The following DNAL1 variants were observed in gnomAD, a reference collection of about 807,000 sequenced individuals.
DNAL1 encodes dynein axonemal light chain 1.
In DNAL1, 17 loss-of-function variants were observed where a neutral mutation model predicts 29.4. The ratio of observed to expected loss-of-function variants is 0.58; its 90% CI spans 0.40 to 0.87. The LOEUF is 0.87. Among genes scored for constraint, DNAL1 ranks in the 40% least tolerant of loss-of-function variants. The pLI is 0.00. For missense variants in DNAL1, 188 were observed against 214.1 expected (o/e 0.88, Z 0.76); for synonymous variants, 78 against 76.3 (o/e 1.02, Z -0.12).
rs1448984006 is a variant in DNAL1, at chr14:73,671,547, T to G, written c.214T>G (p.Leu72Val). 2.0e-6 allele frequency: 3 copies of G among 1,487,472 alleles called. No homozygotes were observed. The East Asian group carries it at 7.4e-5, about 37-fold the overall frequency. The allele number at this position is 1,487,472 out of a possible 1,614,324, so 92.1% of individuals were successfully genotyped here. A position where few individuals can be genotyped will look rare whatever the true frequency, so the allele number is the denominator to read the frequency against. ...ATGTTTTCTTTTCACTACAGAAAACTTGAGGATATTATCTTTAGGAAGAAA... is the reference window on the plus strand; with the variant it reads ...ATGTTTTCTTTTCACTACAGAAAACGTGAGGATATTATCTTTAGGAAGAAA... Reference protein sequence around the residue: ...KIANLNGLKNLRILSLGRNNI... With the variant: ...KIANLNGLKNVRILSLGRNNI... Residue 72 changes from leucine to valine, a missense_variant, in exon 5 of 8, where the codon TTG (leucine) becomes GTG (valine). Transcript: ENST00000553645.
At chr14:73,682,873 T>A (rs76438971) in intron 5 of DNAL1, among the ~76,000 whole-genome samples, 1 of 112,866 alleles carries the variant, frequency 8.9e-6, no homozygotes, top group African/African-American at 2.9e-5. Flanking sequence ...ATAGTTATTT[T>A]TTTTTTTTTT....
chr14:73,645,904 G>A (rs1890965771), intron 1 of DNAL1, among the ~76,000 whole-genome samples: 1 of 152,216 alleles, frequency 6.6e-6, no homozygotes, highest in Non-Finnish European at 1.5e-5. Context: ...AGCAAAGTAT[G>A]TGATGTCCTA....
chr14:73,664,362 A>T (rs1294881238), intron 4 of DNAL1, among the ~76,000 whole-genome samples: 1 of 152,164 alleles, frequency 6.6e-6, no homozygotes, highest in Non-Finnish European at 1.5e-5. Context: ...ATATCATTTG[A>T]ATATCATTAT....
At chr14:73,659,230 C>G (rs1388123217) in intron 3 of DNAL1, among the ~76,000 whole-genome samples, 1 of 149,886 alleles carries the variant, frequency 6.7e-6, no homozygotes, top group Non-Finnish European at 1.5e-5. Context: ...GGCATGATCT[C>G]GGCTCACTGC....
chr14:73,645,716 C>G (rs1472295105), intron 1 of DNAL1, among the ~76,000 whole-genome samples: 3 of 152,182 alleles, frequency 2.0e-5, no homozygotes, highest in Non-Finnish European at 4.4e-5. Flanking sequence ...CTGAGAAATG[C>G]TGTTGCCTTA....
rs1361693768 is a variant in DNAL1 at position 73,703,128 on chromosome 14, A to C, written c.*7186A>C. The C allele has an allele frequency of 6.6e-6, 1 of 152,118 alleles. No homozygotes were observed. Among genetic ancestry groups the C allele is most frequent in the Non-Finnish European group, 1.5e-5 (1 of 68,026 alleles). 9.4% of individuals were successfully genotyped at this position (152,118 alleles called of 1,614,324 possible). On this transcript the variant is annotated 3_prime_UTR_variant, in exon 8 of 8. Coordinates refer to ENST00000553645, the MANE Select transcript of DNAL1 (RefSeq NM_031427.4). The stretch of plus-strand genomic sequence containing the variant: ...GAAAAACAAATAGAAGACAAATTTC[A>C]ATTTCTGAGTTTATACAAAGAAAGC...
intron 5 of DNAL1, among the ~76,000 whole-genome samples, chr14:73,685,531 C>T (rs536371784): frequency 6.7e-6 from 1 of 149,020 alleles, no homozygotes; most frequent in South Asian, 2.1e-4. Context: ...GCAATTTTGG[C>T]TCGTTCCAAC....
chr14:73,659,540 A>G (rs1358263972), intron 3 of DNAL1: 4 of 152,218 alleles, frequency 2.6e-5, no homozygotes, highest in African/African-American at 9.6e-5. Context: ...GAGAAGCTAA[A>G]TAACACAATA....
intron 4 of DNAL1, among the ~76,000 whole-genome samples, chr14:73,670,745 AT>A (rs553810317): frequency 1.3e-5 from 2 of 149,750 alleles, no homozygotes; most frequent in South Asian, 2.1e-4. Flanking sequence ...TTTTATTATT[AT>A]TTTTTTTTGA....
chr14:73,657,756 G>C (rs1451800189), intron 2 of DNAL1, among the ~76,000 whole-genome samples: 1 of 152,144 alleles, frequency 6.6e-6, no homozygotes, highest in Non-Finnish European at 1.5e-5. Flanking sequence ...ACCACACCAG[G>C]CTACTTTTTT....
intron 7 of DNAL1, among the ~76,000 whole-genome samples, chr14:73,693,758 T>C (rs116050314): frequency 0.012 from 1,805 of 152,192 alleles, 36 homozygotes; most frequent in African/African-American, 0.041. Flanking sequence ...GTGTTAGATA[T>C]TAGGATAGAA....
At chr14:73,688,441 T>C (rs189599115) in intron 6 of DNAL1, among the ~76,000 whole-genome samples, 1 of 151,548 alleles carries the variant, frequency 6.6e-6, no homozygotes, top group Non-Finnish European at 1.5e-5. Context: ...AAAACCCAAA[T>C]TTTTTTTTGT....
intron 1 of DNAL1, among the ~76,000 whole-genome samples, chr14:73,645,895 G>C (rs905247314): frequency 6.6e-6 from 1 of 152,206 alleles, no homozygotes; most frequent in African/African-American, 2.4e-5. Flanking sequence ...GAGCTATTGA[G>C]CAAAGTATGT....
At position 73,699,297 on chromosome 14, in the gene DNAL1, T is replaced by C. The variant is rs1892374007; in HGVS notation, c.*3355T>C. ...GGAAAGAAATGGTCACTGGTATTTT[T>C]TGTAATGCTCATTTTTTTTTTTTTT... On this transcript the variant is annotated 3_prime_UTR_variant, in exon 8 of 8. Coordinates refer to ENST00000553645, the MANE Select transcript of DNAL1 (RefSeq NM_031427.4). 6.6e-6 allele frequency: 1 copy of C among 151,706 alleles called. No individual in the cohort carries two copies. Among genetic ancestry groups the C allele is most frequent in the Non-Finnish European group, 1.5e-5 (1 of 68,040 alleles). The allele number at this position is 151,706 out of a possible 1,614,324, so 9.4% of individuals were successfully genotyped here. A position where few individuals can be genotyped will look rare whatever the true frequency, so the allele number is the denominator to read the frequency against.
Position 73,696,173 on chromosome 14 carries a change from G to T in DNAL1, c.*231G>T, listed in dbSNP as rs910559841. The stretch of plus-strand genomic sequence containing the variant: ...CTCTTTTTAGAAACCACAAATTTTC[G>T]ATTTTTGTCTTCAGTCTCAGTTACG... On this transcript the variant is annotated 3_prime_UTR_variant, in exon 8 of 8. Transcript: ENST00000553645. 9.7e-5 allele frequency: 41 copies of T among 424,812 alleles called. No individual in the cohort carries two copies. In the East Asian group the frequency reaches 1.5e-3, roughly 16 times the overall value. 26.3% of individuals were successfully genotyped at this position (424,812 alleles called of 1,614,324 possible). A position where few individuals can be genotyped will look rare whatever the true frequency, so the allele number is the denominator to read the frequency against.
chr14:73,666,978 A>G (rs1159649124), intron 4 of DNAL1, among the ~76,000 whole-genome samples: 1 of 143,854 alleles, frequency 7.0e-6, no homozygotes, highest in Non-Finnish European at 1.5e-5. Context: ...TTTTTCATTT[A>G]CTCCCTAGAT....
At chr14:73,660,700 A>G (rs776904247) in intron 3 of DNAL1, among the ~76,000 whole-genome samples, 1 of 152,212 alleles carries the variant, frequency 6.6e-6, no homozygotes, top group Non-Finnish European at 1.5e-5. Context: ...ATGAGAACAC[A>G]GTGTGTCACA....
rs534398429 is a variant in DNAL1, at chr14:73,698,912, T to G, written c.*2970T>G. 4.6e-5 allele frequency: 7 copies of G among 152,332 alleles called. No homozygotes were observed. The highest frequency in any genetic ancestry group is 7.3e-5 in the Non-Finnish European group (5 of 68,028). 9.4% of individuals were successfully genotyped at this position (152,332 alleles called of 1,614,324 possible). The stretch of plus-strand genomic sequence containing the variant: ...AGACAGGCCTTAAAAGGTTTTTGTG[T>G]TGTTCTCTGTTAATAAGAATTTGTT... On this transcript the variant is annotated 3_prime_UTR_variant, in exon 8 of 8. Coordinates refer to ENST00000553645, the MANE Select transcript of DNAL1 (RefSeq NM_031427.4).
At chr14:73,657,497 G>A (rs1239964881) in intron 2 of DNAL1, among the ~76,000 whole-genome samples, 1 of 152,176 alleles carries the variant, frequency 6.6e-6, no homozygotes, top group African/African-American at 2.4e-5. Context: ...TTACCATTGT[G>A]TTGAGTTCCT....
Sources: allele counts gnomAD v4.1 joint callset (sites outside exome capture counted in the v4.1 genomes callset), GRCh38; gene constraint gnomAD v4.1.1; transcripts MANE v1.5; gene names NCBI Gene and HGNC (gene_info 2026-07-23, HGNC 2026-07-21).